PALM3: variants seen among roughly 807,000 people sequenced by gnomAD.
PALM3 encodes the protein paralemmin 3, also known as paralemmin-3.
Under a neutral mutation model 27.9 loss-of-function variants are expected in PALM3, and 20 were observed. The ratio of observed to expected loss-of-function variants is 0.72; its 90% CI spans 0.50 to 1.04. The LOEUF (loss-of-function observed/expected upper bound fraction) is 1.04. PALM3 is among the 50% of genes least tolerant of loss of function. PALM3 has a pLI of 0.00. For synonymous variants in PALM3, 328 were observed against 352.7 expected (o/e 0.93, Z 0.79); for missense variants, 814 against 869.4 (o/e 0.94, Z 0.80).
intron 5 of PALM3, among the ~76,000 whole-genome samples, chr19:14,055,632 ATACTGCATTCCCAT>A (rs1976291354): frequency 1.3e-5 from 2 of 152,098 alleles, no homozygotes; most frequent in East Asian, 3.8e-4. Flanking sequence ...TGCTTAAACA[ATACTGCATTCCCAT>A]AGCCAATCTG....
chr19:14,053,807 G>C lies in PALM3; in HGVS notation c.1865C>G (p.Pro622Arg), dbSNP rs1976234736. Reference sequence around the variant, plus strand: ...TGGGGCTGGGGTCTCTGCCAGAAGAGGTGTGGCATCCCCCAAGGGGCCTTG... The same window carrying C: ...TGGGGCTGGGGTCTCTGCCAGAAGACGTGTGGCATCCCCCAAGGGGCCTTG... The part of the protein sequence containing the change: ...EGQGPLGDAT[P>R]LLAETPAPEQ... The change falls in exon 7 of 7, where the codon CCT becomes CGT. Residue 622 changes from proline to arginine, a missense_variant. Pro to Arg is a moderately radical substitution (Grantham distance 103). Transcript: ENST00000669674. 1.9e-6 allele frequency: 3 copies of C among 1,547,566 alleles called. No individual in the cohort carries two copies. Among genetic ancestry groups the C allele is most frequent in the African/African-American group, 1.4e-5 (1 of 72,906 alleles).
rs56202530 is a variant in PALM3, at chr19:14,054,466, G to A, written c.1206C>T (p.Gly402=). Residue 402 remains glycine (G), a synonymous_variant, in exon 7 of 7, where the codon GGC becomes GGT. Coordinates refer to ENST00000669674, the MANE Select transcript of PALM3 (RefSeq NM_001145028.2). Reference sequence around the variant, plus strand: ...TCTTCTCTGCCTCCCAGGTCTCCTCGCCTCCTCCCGTCTTGGCCCCCTCGG... The same window carrying A: ...TCTTCTCTGCCTCCCAGGTCTCCTCACCTCCTCCCGTCTTGGCCCCCTCGG... ...LGAEGAKTGG[G]EETWEAEKRK... is the part of the protein sequence containing the mutation. The A allele has an allele frequency of 0.13, 208,415 of 1,551,046 alleles. 15,100 individuals carry two copies. Among genetic ancestry groups the A allele is most frequent in the Middle Eastern group, 0.16 (947 of 5,990 alleles).
intron 1 of PALM3, among the ~76,000 whole-genome samples, chr19:14,059,727 G>T (rs545391745): frequency 1.3e-5 from 2 of 151,974 alleles, no homozygotes; most frequent in South Asian, 4.2e-4. Context: ...TCAAGCGCTG[G>T]GGGGGCAAGC....
chr19:14,053,483 G>T lies in PALM3; in HGVS notation c.*122C>A. 1 of 1,186,546 alleles carries T rather than the reference G, an allele frequency of 8.4e-7. No individual in the cohort carries two copies. The highest frequency in any genetic ancestry group is 1.1e-6 in the Non-Finnish European group (1 of 889,888). 73.5% of individuals were successfully genotyped at this position (1,186,546 alleles called of 1,614,324 possible). On this transcript the variant is annotated 3_prime_UTR_variant, in exon 7 of 7. Coordinates refer to ENST00000669674, the MANE Select transcript of PALM3 (RefSeq NM_001145028.2). ...CAGGTTTAGGTGGACGTGCAGGCTA[G>T]CTGGCTCCCAGGTGCCATGGCCAGT...
chr19:14,061,915 C>G, intron 1 of PALM3, 25 bp downstream of exon 1: 1 of 983,540 alleles, frequency 1.0e-6, no homozygotes, highest in Non-Finnish European at 1.2e-6. Flanking sequence ...TGCCCACCAG[C>G]CCCCCTGACC....
chr19:14,058,037 G>C (rs1976345573), intron 2 of PALM3, among the ~76,000 whole-genome samples: 1 of 152,218 alleles, frequency 6.6e-6, no homozygotes, highest in South Asian at 2.1e-4. Flanking sequence ...GAACTCGGGA[G>C]GCGCAGGTTG....
chr19:14,058,778 A>G (rs1489354786), intron 2 of PALM3, among the ~76,000 whole-genome samples: 1 of 151,990 alleles, frequency 6.6e-6, no homozygotes, highest in East Asian at 1.9e-4. Context: ...AAGGACTGTC[A>G]GGATGGGGGC....
intron 1 of PALM3, 109 bp from the exon 2 acceptor site, chr19:14,059,272 T>A (rs775963972): frequency 3.7e-6 from 4 of 1,086,938 alleles, no homozygotes; most frequent in Non-Finnish European, 5.0e-6. Flanking sequence ...ACTTTGCCTC[T>A]GTTTCCCCTT....
chr19:14,057,321 G>C (rs1424630237), intron 3 of PALM3, 30 bp downstream of exon 3: 1 of 1,511,224 alleles, frequency 6.6e-7, no homozygotes, highest in South Asian at 1.2e-5. Context: ...CATTCCCCAG[G>C]CTAGGCAGGC....
rs909994880 is a variant in PALM3 at position 14,054,420 on chromosome 19, C to G, written c.1252G>C (p.Gly418Arg). The G allele has an allele frequency of 8.4e-6, 13 of 1,551,850 alleles. No homozygotes were observed. The Admixed American group carries it at 2.6e-4, about 30-fold the overall frequency. Reference sequence around the variant, plus strand: ...CCTGGCTTTTCCTCACTTCCTATTCCCATGGATTCTTCCGCTTTTCTCTTC... The same window carrying G: ...CCTGGCTTTTCCTCACTTCCTATTCGCATGGATTCTTCCGCTTTTCTCTTC... ...AEKRKAEESM[G>R]IGSEEKPGTG... Residue 418 changes from glycine to arginine, a missense_variant, in exon 7 of 7, where the codon GGA becomes CGA. Physicochemically the swap from Gly to Arg is moderately radical, Grantham distance 125. Transcript: ENST00000669674.
At chr19:14,055,327 C>A in intron 6 of PALM3, 53 bp downstream of exon 6, 1 of 1,502,544 alleles carries the variant, frequency 6.7e-7, no homozygotes, top group Non-Finnish European at 8.9e-7. Context: ...CACCCTCTCA[C>A]ACCCAGGCTC....
chr19:14,058,906 C>T (rs777411062), intron 2 of PALM3, among the ~76,000 whole-genome samples: 2 of 151,810 alleles, frequency 1.3e-5, no homozygotes, highest in Non-Finnish European at 2.9e-5. Context: ...CCGATGCAGG[C>T]TCTGGAAGTG....
chr19:14,060,164 C>G (rs1455802837), intron 1 of PALM3, among the ~76,000 whole-genome samples: 1 of 152,078 alleles, frequency 6.6e-6, no homozygotes, highest in Non-Finnish European at 1.5e-5. Context: ...GGGCGCTGAT[C>G]AAACCCTCAA....
intron 1 of PALM3, among the ~76,000 whole-genome samples, chr19:14,061,056 C>T (rs1463300199): frequency 2.0e-5 from 3 of 152,164 alleles, no homozygotes; most frequent in African/African-American, 4.8e-5. Flanking sequence ...CCACCGTGCC[C>T]GGCCACGAAG....
chr19:14,057,023 A>C, intron 3 of PALM3: 1 of 602,004 alleles, frequency 1.7e-6, no homozygotes, highest in South Asian at 2.1e-5. Context: ...GGGCACTTCC[A>C]AAGTGAAATC....
chr19:14,058,568 GAT>G (rs1049477725), intron 2 of PALM3, among the ~76,000 whole-genome samples: 3 of 151,712 alleles, frequency 2.0e-5, no homozygotes, highest in Non-Finnish European at 2.9e-5. Flanking sequence ...AGGGAGATGG[GAT>G]ACAGAGATAG....
chr19:14,059,032 C>G (rs1238362789), intron 2 of PALM3, 83 bp downstream of exon 2: 5 of 1,315,226 alleles, frequency 3.8e-6, no homozygotes, highest in Non-Finnish European at 5.0e-6. Flanking sequence ...TGAGGGCGCT[C>G]TCCGCAGAGA....
intron 3 of PALM3, 69 bp from the exon 4 acceptor site, chr19:14,056,873 C>A (rs544501422): frequency 4.1e-5 from 59 of 1,446,058 alleles, no homozygotes; most frequent in Non-Finnish European, 5.3e-5. Flanking sequence ...CCCCTCCCGA[C>A]CTCTGCAGGC....
Position 14,054,611 on chromosome 19 carries a change from CCCT to C in PALM3, c.1058_1060del (p.Glu353del), listed in dbSNP as rs1371699207. ...CACTCTCTCCACCCAAATGAAGGATCCCTCCTCTCCTCCAGAGCCTCCCTGCCC... is the reference window on the plus strand; with the variant it reads ...CACTCTCTCCACCCAAATGAAGGATCCCTCTCCTCCAGAGCCTCCCTGCCC... On this transcript the variant is annotated inframe_deletion, in exon 7 of 7. Coordinates refer to ENST00000669674, the MANE Select transcript of PALM3 (RefSeq NM_001145028.2). 6.4e-7 allele frequency: 1 copy of C among 1,551,694 alleles called. No individual in the cohort carries two copies. Among genetic ancestry groups the C allele is most frequent in the Non-Finnish European group, 8.7e-7 (1 of 1,146,988 alleles).
Sources: allele counts gnomAD v4.1 joint callset (sites outside exome capture counted in the v4.1 genomes callset), GRCh38; gene constraint gnomAD v4.1.1; transcripts MANE v1.5; gene names NCBI Gene and HGNC (gene_info 2026-07-23, HGNC 2026-07-21).